Variants in MAP2K6 observed in about 807,000 individuals in gnomAD.
MAP2K6 encodes dual specificity mitogen-activated protein kinase kinase 6.
MAP2K6 carries 16 observed loss-of-function variants against 53.7 expected under a neutral mutation model. That is an observed-to-expected ratio of 0.30 (90% confidence interval 0.20 to 0.45). The LOEUF (loss-of-function observed/expected upper bound fraction) is 0.45. Among genes scored for constraint, MAP2K6 ranks in the 20% least tolerant of loss-of-function variants. The pLI, the probability that MAP2K6 is intolerant of heterozygous loss-of-function variation, is 1.00. For missense variants in MAP2K6, 204 were observed against 411.9 expected, an observed-to-expected ratio of 0.50 and a Z score of 4.37; for synonymous variants, 132 against 143.1, an observed-to-expected ratio of 0.92 and a Z score of 0.55.
rs1158026204 is a variant in MAP2K6, at chr17:69,414,890, G to T, written c.-95G>T. The stretch of plus-strand genomic sequence containing the variant: ...AACTCCACTTGCATGAAGATTGCAC[G>T]CCTGCAGCTTGCATCTTTGTTGCAA... On this transcript the variant is annotated 5_prime_UTR_variant, in exon 1 of 12. Coordinates refer to ENST00000590474, the MANE Select transcript of MAP2K6 (RefSeq NM_002758.4). The T allele has an allele frequency of 1.8e-6, 2 of 1,131,288 alleles. No homozygotes were observed. The highest frequency in any genetic ancestry group is 3.1e-5 in the African/African-American group (2 of 64,532). The allele number at this position is 1,131,288 out of a possible 1,614,324, so 70.1% of individuals were successfully genotyped here. A position where few individuals can be genotyped will look rare whatever the true frequency, so the allele number is the denominator to read the frequency against.
intron 1 of MAP2K6, among the ~76,000 whole-genome samples, chr17:69,470,557 A>C (rs1950570360): frequency 1.3e-5 from 2 of 152,214 alleles, no homozygotes; most frequent in Admixed American, 1.3e-4. Flanking sequence ...TGTGTATAGA[A>C]GGGAAGATGG....
At chr17:69,440,071 G>A (rs1906768263) in intron 1 of MAP2K6, among the ~76,000 whole-genome samples, 1 of 151,130 alleles carries the variant, frequency 6.6e-6, no homozygotes, top group Non-Finnish European at 1.5e-5. Context: ...TTTTTGAGAT[G>A]AAGTCTTGCT....
chr17:69,449,561 ATTTCTTTCTTTCTTTC>A (rs1230834033), intron 1 of MAP2K6, among the ~76,000 whole-genome samples: 7 of 102,084 alleles, frequency 6.9e-5, no homozygotes, highest in Admixed American at 2.1e-4. Context: ...TTCTTTCTTT[ATTTCTTTCTTTCTTTC>A]TTTCTTTCTT....
chr17:69,458,645 C>T (rs1474713206), intron 1 of MAP2K6, among the ~76,000 whole-genome samples: 14 of 152,328 alleles, frequency 9.2e-5, no homozygotes, highest in Middle Eastern at 3.4e-3. Context: ...CGTTCTCCTA[C>T]TGTCCCTAGA....
chr17:69,511,253 C>A (rs866894792), intron 2 of MAP2K6, among the ~76,000 whole-genome samples: 2 of 152,100 alleles, frequency 1.3e-5, no homozygotes, highest in African/African-American at 2.4e-5. Flanking sequence ...GTAGAGTATA[C>A]CGCTGTAGCT....
chr17:69,471,045 G>A (rs1426935909), intron 1 of MAP2K6, among the ~76,000 whole-genome samples: 2 of 152,102 alleles, frequency 1.3e-5, no homozygotes, highest in Admixed American at 6.6e-5. Flanking sequence ...CTCAGTATAT[G>A]TTTTTCAATA....
At chr17:69,472,603 C>A (rs1417882356) in intron 1 of MAP2K6, among the ~76,000 whole-genome samples, 1 of 152,180 alleles carries the variant, frequency 6.6e-6, no homozygotes, top group Middle Eastern at 3.2e-3. Context: ...GGGATGGCAT[C>A]CTGTCCAGGT....
At chr17:69,495,109 A>C (rs933069002) in intron 1 of MAP2K6, among the ~76,000 whole-genome samples, 3 of 152,008 alleles carry the variant, frequency 2.0e-5, no homozygotes, top group East Asian at 1.9e-4. Flanking sequence ...AAAAAAAAAA[A>C]AAAAAACAAC....
chr17:69,518,925 G>T (rs1282898439), intron 4 of MAP2K6, among the ~76,000 whole-genome samples: 1 of 152,088 alleles, frequency 6.6e-6, no homozygotes, highest in Non-Finnish European at 1.5e-5. Context: ...ACTCTTACAT[G>T]TTCCCAAAGA....
intron 1 of MAP2K6, among the ~76,000 whole-genome samples, chr17:69,491,459 A>C (rs1040733327): frequency 2.0e-5 from 3 of 152,010 alleles, no homozygotes; most frequent in African/African-American, 7.2e-5. Context: ...TTTCTTATCC[A>C]GTCTATCATT....
chr17:69,491,827 T>G (rs1047527782), intron 1 of MAP2K6, among the ~76,000 whole-genome samples: 5 of 152,080 alleles, frequency 3.3e-5, no homozygotes, highest in Admixed American at 6.6e-5. Context: ...TGATTCAGAC[T>G]GGTCTGAGAT....
rs1262567045 is a variant in MAP2K6 at position 69,543,587 on chromosome 17, T to C, written c.*1834T>C. The C allele has an allele frequency of 6.6e-6, 1 of 152,142 alleles. No individual in the cohort carries two copies. The highest frequency in any genetic ancestry group is 1.5e-5 in the Non-Finnish European group (1 of 68,032). 9.4% of individuals were successfully genotyped at this position (152,142 alleles called of 1,614,324 possible). A position where few individuals can be genotyped will look rare whatever the true frequency, so the allele number is the denominator to read the frequency against. On this transcript the variant is annotated 3_prime_UTR_variant, in exon 12 of 12. Coordinates refer to ENST00000590474, the MANE Select transcript of MAP2K6 (RefSeq NM_002758.4). ...TCACTTTCCCATCTATCTTCCTAAA[T>C]CTGGAAGTTCTTCTCTTGGAGATCA...
intron 1 of MAP2K6, among the ~76,000 whole-genome samples, chr17:69,437,961 A>T (rs953583204): frequency 1.3e-5 from 2 of 152,264 alleles, no homozygotes; most frequent in African/African-American, 4.8e-5. Context: ...GCTTTACCAC[A>T]TTCTTCTCTT....
At chr17:69,516,823 A>C in intron 2 of MAP2K6, 32 bp from the exon 3 acceptor site, 2 of 1,510,512 alleles carry the variant, frequency 1.3e-6, no homozygotes, top group Non-Finnish European at 1.8e-6. Context: ...TCAATAGCTT[A>C]TGTTTCTTCT....
intron 1 of MAP2K6, among the ~76,000 whole-genome samples, chr17:69,473,399 C>A (rs538898341): frequency 6.6e-6 from 1 of 152,094 alleles, no homozygotes; most frequent in African/African-American, 2.4e-5. Context: ...TATATCTATG[C>A]AAGCATATAT....
In MAP2K6 at chr17:69,517,546, G is replaced by T; in HGVS notation, c.179G>T (p.Gly60Val). The T allele has an allele frequency of 1.2e-6, 2 of 1,611,672 alleles. No homozygotes were observed. Among genetic ancestry groups the T allele is most frequent in the Non-Finnish European group, 1.7e-6 (2 of 1,178,632 alleles). ...GACCTGGAGCCTATAATGGAACTGG[G>T]ACGAGGTGCGTACGGGGTGGTGGAG... is the stretch of plus-strand genomic sequence containing the variant. ...ADDLEPIMEL[G>V]RGAYGVVEKM... Residue 60 changes from glycine (G) to valine (V), a missense_variant, in exon 4 of 12, where the codon GGA (glycine) becomes GTA (valine). Around this residue, in one of 3 missense-constraint regions of MAP2K6, gnomAD observed 129 missense variants for 247.1 expected, o/e 0.52. Transcript: ENST00000590474.
At chr17:69,436,844 C>CA (rs1331616753) in intron 1 of MAP2K6, among the ~76,000 whole-genome samples, 1 of 150,736 alleles carries the variant, frequency 6.6e-6, no homozygotes, top group Non-Finnish European at 1.5e-5. Flanking sequence ...TTTTTTTAGA[C>CA]ACTGTCTCAC....
At chr17:69,420,536 A>C (rs1464467873) in intron 1 of MAP2K6, among the ~76,000 whole-genome samples, 2 of 152,230 alleles carry the variant, frequency 1.3e-5, no homozygotes, top group Non-Finnish European at 2.9e-5. Flanking sequence ...TCCTGATATT[A>C]AGTGATAGAA....
In MAP2K6 at chr17:69,548,561, A is replaced by G. The variant is rs1012897229; in HGVS notation, c.*6808A>G. On this transcript the variant is annotated 3_prime_UTR_variant, in exon 12 of 12. Coordinates refer to ENST00000590474, the MANE Select transcript of MAP2K6 (RefSeq NM_002758.4). ...ATTATGCTTAGAATGATACTTGGAA[A>G]CTCCTTAACAGGGCATATTGAAGTA... is the stretch of plus-strand genomic sequence containing the variant. The G allele has an allele frequency of 6.6e-6, 1 of 151,776 alleles. No individual in the cohort carries two copies. Among genetic ancestry groups the G allele is most frequent in the East Asian group, 1.9e-4 (1 of 5,194 alleles). The allele number at this position is 151,776 out of a possible 1,614,324, so 9.4% of individuals were successfully genotyped here.
Sources: allele counts gnomAD v4.1 joint callset (sites outside exome capture counted in the v4.1 genomes callset), GRCh38; gene constraint gnomAD v4.1.1; regional missense constraint gnomAD v4.1.1; transcripts MANE v1.5; gene names NCBI Gene and HGNC (gene_info 2026-07-23, HGNC 2026-07-21).